KCNB2: variants seen among roughly 807,000 people sequenced by gnomAD.
KCNB2 encodes the protein delayed rectifier potassium channel protein.
KCNB2 carries 15 observed loss-of-function variants against 61.5 expected under a neutral mutation model. The ratio of observed to expected loss-of-function variants is 0.24; its 90% CI spans 0.16 to 0.38. The LOEUF (loss-of-function observed/expected upper bound fraction) is 0.38. Ranked by LOEUF, KCNB2 falls within the 10% of genes least tolerant of loss-of-function variation. The pLI, the probability that KCNB2 is intolerant of heterozygous loss-of-function variation, is 1.00. For synonymous variants in KCNB2, 457 were observed against 446.0 expected, an observed-to-expected ratio of 1.02 and a Z score of -0.31; for missense variants, 828 against 1,125.2, an observed-to-expected ratio of 0.74 and a Z score of 3.78.
chr8:72,655,341 G>T (rs1306621348), intron 2 of KCNB2, among the ~76,000 whole-genome samples: 1 of 152,100 alleles, frequency 6.6e-6, no homozygotes, highest in Non-Finnish European at 1.5e-5. Context: ...ACTACCTATT[G>T]GGTACTATGG....
At chr8:72,791,089 T>G (rs568531369) in intron 2 of KCNB2, among the ~76,000 whole-genome samples, 11 of 152,312 alleles carry the variant, frequency 7.2e-5, no homozygotes, top group Admixed American at 3.3e-4. Context: ...GGAGAGATTC[T>G]TAAAATGTGA....
chr8:72,925,130 T>C (rs1697659885), intron 2 of KCNB2, among the ~76,000 whole-genome samples: 2 of 152,244 alleles, frequency 1.3e-5, no homozygotes, highest in South Asian at 4.1e-4. Context: ...GTTTTTTCTT[T>C]CTTTCAAGCT....
At chr8:72,655,043 C>T (rs116275914) in intron 2 of KCNB2, among the ~76,000 whole-genome samples, 6 of 152,156 alleles carry the variant, frequency 3.9e-5, no homozygotes, top group South Asian at 2.1e-4. Flanking sequence ...ATGGAATCAA[C>T]GTAAATGCCC....
chr8:72,731,933 T>C (rs1412789746), intron 2 of KCNB2: 1 of 152,196 alleles, frequency 6.6e-6, no homozygotes. Flanking sequence ...TTGTCTCTGC[T>C]GAAGTCATAT....
At chr8:72,699,185 G>T (rs138114031) in intron 2 of KCNB2, among the ~76,000 whole-genome samples, 1 of 151,966 alleles carries the variant, frequency 6.6e-6, no homozygotes, top group African/African-American at 2.4e-5. Flanking sequence ...TAAAAAGTGA[G>T]CAAACTAATT....
intron 2 of KCNB2, among the ~76,000 whole-genome samples, chr8:72,915,752 T>C (rs1806387060): frequency 6.6e-6 from 1 of 151,998 alleles, no homozygotes; most frequent in South Asian, 2.1e-4. Context: ...ACCCCGTCTC[T>C]CTTAAAAATA....
At position 72,761,288 on chromosome 8, in the gene KCNB2, G is replaced by A. The variant is rs1024777197; in HGVS notation, c.580-174647G>A. Reference sequence around the variant, plus strand: ...GACTTTGAAATACTCTGCAGCAGGCGTCTGTCATGCTATGGGTTACCTGCA... The same window carrying A: ...GACTTTGAAATACTCTGCAGCAGGCATCTGTCATGCTATGGGTTACCTGCA... On this transcript the variant is annotated intron_variant, in intron 2 of 2. Coordinates refer to ENST00000523207, the MANE Select transcript of KCNB2 (RefSeq NM_004770.3). 5.3e-5 allele frequency among the ~76,000 whole-genome samples: 8 copies of A among 152,090 alleles called. No individual in the cohort carries two copies. In the South Asian group the frequency reaches 8.3e-4, roughly 16 times the overall value.
In KCNB2 at chr8:72,938,145, C is replaced by T. The variant is rs1244557684; in HGVS notation, c.*54C>T. Reference sequence around the variant, plus strand: ...AAACAAAACAAAACAAAACTTGTTTCTTAAAAATGCGGTTAATAATGCCTG... The same window carrying T: ...AAACAAAACAAAACAAAACTTGTTTTTTAAAAATGCGGTTAATAATGCCTG... On this transcript the variant is annotated 3_prime_UTR_variant, in exon 3 of 3. Coordinates refer to ENST00000523207, the MANE Select transcript of KCNB2 (RefSeq NM_004770.3). 7 of 1,420,450 alleles carry T rather than the reference C, an allele frequency of 4.9e-6. No homozygotes were observed. The African/African-American group carries it at 5.7e-5, about 12-fold the overall frequency. 88.0% of individuals were successfully genotyped at this position (1,420,450 alleles called of 1,614,324 possible).
intron 2 of KCNB2, among the ~76,000 whole-genome samples, chr8:72,860,614 C>G (rs764889320): frequency 6.6e-6 from 1 of 152,198 alleles, no homozygotes; most frequent in Non-Finnish European, 1.5e-5. Context: ...AGCTGCAGCT[C>G]CATTTGAATG....
chr8:72,897,097 A>G (rs1313784658), intron 2 of KCNB2, among the ~76,000 whole-genome samples: 1 of 152,050 alleles, frequency 6.6e-6, no homozygotes, highest in Non-Finnish European at 1.5e-5. Context: ...CATCATTACA[A>G]TGTAGGAAAT....
At chr8:72,827,786 A>G (rs1809619714) in intron 2 of KCNB2, among the ~76,000 whole-genome samples, 1 of 151,840 alleles carries the variant, frequency 6.6e-6, no homozygotes, top group Non-Finnish European at 1.5e-5. Context: ...ATATGAGAGG[A>G]GAACAAGGTT....
intron 2 of KCNB2, among the ~76,000 whole-genome samples, chr8:72,827,956 G>A (rs1451169420): frequency 6.6e-6 from 1 of 151,994 alleles, no homozygotes; most frequent in Admixed American, 6.6e-5. Context: ...GGGATTACAG[G>A]TGCCTGCCAC....
chr8:72,934,147 G>A (rs57475408), intron 2 of KCNB2, among the ~76,000 whole-genome samples: 20,660 of 151,920 alleles, frequency 0.14, 3,294 homozygotes, highest in East Asian at 0.79. Context: ...TTGGGAGGCC[G>A]AAGCAGGTGG....
At chr8:72,859,219 G>A (rs756749963) in intron 2 of KCNB2, among the ~76,000 whole-genome samples, 11 of 152,108 alleles carry the variant, frequency 7.2e-5, no homozygotes, top group Non-Finnish European at 1.5e-4. Flanking sequence ...TCTCACAGAT[G>A]GGGAAACATA....
chr8:72,657,004 T>C (rs1806302469), intron 2 of KCNB2, among the ~76,000 whole-genome samples: 1 of 152,176 alleles, frequency 6.6e-6, no homozygotes, highest in African/African-American at 2.4e-5. Context: ...ACAGGCTCTA[T>C]TTCATTAGGG....
rs535223608 is a variant in KCNB2, at chr8:72,826,229, A to C, written c.580-109706A>C. ...TACCTCAGTCATAGCTGAGGCTGGA[A>C]GAGTCTAATTCTAACATCTGTTGAT... On this transcript the variant is annotated intron_variant, in intron 2 of 2. Coordinates refer to ENST00000523207, the MANE Select transcript of KCNB2 (RefSeq NM_004770.3). Among the ~76,000 whole-genome samples the C allele has an allele frequency of 1.1e-4, 16 of 152,298 alleles. No homozygotes were observed. In the South Asian group the frequency reaches 3.3e-3, roughly 32 times the overall value.
At chr8:72,781,410 T>A (rs1269748661) in intron 2 of KCNB2, among the ~76,000 whole-genome samples, 2 of 152,162 alleles carry the variant, frequency 1.3e-5, no homozygotes, top group African/African-American at 4.8e-5. Flanking sequence ...AAGGAAGGGG[T>A]CCAGTTTCAA....
At chr8:72,742,614 A>G (rs990112238) in intron 2 of KCNB2, among the ~76,000 whole-genome samples, 12 of 152,134 alleles carry the variant, frequency 7.9e-5, no homozygotes, top group African/African-American at 2.9e-4. Context: ...CCACACCACA[A>G]ATAATGTGGT....
chr8:72,582,827 C>A (rs1327078561), intron 2 of KCNB2, among the ~76,000 whole-genome samples: 4 of 152,090 alleles, frequency 2.6e-5, no homozygotes, highest in African/African-American at 9.6e-5. Context: ...TGGGATGTTG[C>A]CAGCCTGGTC....
Sources: gnomAD v4.1 joint callset for allele counts (sites outside exome capture counted in the v4.1 genomes callset) on GRCh38, gnomAD v4.1.1 for gene constraint, MANE v1.5 for transcripts, NCBI Gene and HGNC (gene_info 2026-07-23, HGNC 2026-07-21) for gene names.